CBL: variants seen among roughly 807,000 people sequenced by gnomAD.
CBL encodes E3 ubiquitin-protein ligase CBL.
Under a neutral mutation model 96.9 loss-of-function variants are expected in CBL, and 45 were observed. The ratio of observed to expected loss-of-function variants is 0.46; its 90% CI spans 0.37 to 0.60. CBL has a LOEUF of 0.60. CBL is among the 20% of genes least tolerant of loss of function. The probability of loss-of-function intolerance (pLI) is 0.00; values close to 1 mark genes in which losing one functional copy is unlikely to be tolerated. For missense variants in CBL, 1,024 were observed against 1,143.5 expected, an observed-to-expected ratio of 0.90 and a Z score of 1.51; for synonymous variants, 420 against 426.8, an observed-to-expected ratio of 0.98 and a Z score of 0.20.
intron 2 of CBL, among the ~76,000 whole-genome samples, chr11:119,235,165 G>A (rs976859296): frequency 2.6e-5 from 4 of 151,884 alleles, no homozygotes; most frequent in African/African-American, 9.7e-5. Context: ...CCAGGTTGGA[G>A]TGCAAAGGAG....
rs957942519 is a variant in CBL, at chr11:119,305,225, CCT to C, written c.*5445_*5446del. On this transcript the variant is annotated 3_prime_UTR_variant, in exon 16 of 16. Transcript: ENST00000264033. ...ATTCTGGTCATTGTCTTCTTTATTT[CCT>C]GTTTTTCTTCCCTTTGTCAGTCTTC... The C allele has an allele frequency of 1.3e-5, 3 of 231,076 alleles. No homozygotes were observed. The highest frequency in any genetic ancestry group is 6.6e-5 in the African/African-American group (3 of 45,202). 14.3% of individuals were successfully genotyped at this position (231,076 alleles called of 1,614,324 possible).
chr11:119,261,860 T>C (rs1487206188), intron 2 of CBL, among the ~76,000 whole-genome samples: 1 of 152,216 alleles, frequency 6.6e-6, no homozygotes, highest in East Asian at 1.9e-4. Flanking sequence ...CCATTTTTGT[T>C]TTTTTCTAAC....
At chr11:119,209,102 C>A (rs923646607) in intron 1 of CBL, among the ~76,000 whole-genome samples, 1 of 152,144 alleles carries the variant, frequency 6.6e-6, no homozygotes, top group South Asian at 2.1e-4. Flanking sequence ...TAGTCTGATA[C>A]GTTTATACTG....
Position 119,298,453 on chromosome 11 carries a change from G to T in CBL, c.2347G>T (p.Ala783Ser), listed in dbSNP as rs1950078376. The T allele has an allele frequency of 2.5e-6, 4 of 1,614,054 alleles. No individual in the cohort carries two copies. In the South Asian group the frequency reaches 4.4e-5, roughly 18 times the overall value. The change falls in exon 15 of 16, where the codon GCC becomes TCC. Residue 783 changes from alanine (A) to serine (S), a missense_variant. Coordinates refer to ENST00000264033, the MANE Select transcript of CBL (RefSeq NM_005188.4). ...TGATGTCCCAAAGCCACCTGTGCCG[G>T]CCGTGCTGGCCCGCCGAACTCTCTC... is the stretch of plus-strand genomic sequence containing the variant. ...GYDVPKPPVP[A>S]VLARRTLSDI...
chr11:119,225,814 G>A (rs763094631), intron 1 of CBL, among the ~76,000 whole-genome samples: 16 of 129,156 alleles, frequency 1.2e-4, no homozygotes, highest in African/African-American at 2.4e-4. Flanking sequence ...TGCAACCTCC[G>A]CCTCCCGGGT....
chr11:119,298,995 C>T (rs1950081836), intron 15 of CBL, among the ~76,000 whole-genome samples: 1 of 152,154 alleles, frequency 6.6e-6, no homozygotes, highest in Admixed American at 6.5e-5. Flanking sequence ...AGGGCAGCAG[C>T]CAGAGTTGCT....
At chr11:119,218,894 A>G (rs1162360944) in intron 1 of CBL, among the ~76,000 whole-genome samples, 2 of 152,238 alleles carry the variant, frequency 1.3e-5, no homozygotes, top group African/African-American at 2.4e-5. Context: ...ACTAAGATGT[A>G]CAGTAAGAAT....
intron 1 of CBL, among the ~76,000 whole-genome samples, chr11:119,230,389 C>G (rs566245560): frequency 1.2e-4 from 18 of 152,122 alleles, no homozygotes; most frequent in Non-Finnish European, 1.8e-4. Flanking sequence ...ATCCGCCCGC[C>G]TCAGCCTCCC....
chr11:119,233,480 C>T (rs553992530), intron 2 of CBL, among the ~76,000 whole-genome samples: 8 of 152,142 alleles, frequency 5.3e-5, no homozygotes, highest in South Asian at 2.1e-4. Context: ...GTGATCTGCC[C>T]GCTTTGGCCT....
At chr11:119,283,150 A>G (rs893490216) in intron 9 of CBL, among the ~76,000 whole-genome samples, 1 of 152,208 alleles carries the variant, frequency 6.6e-6, no homozygotes, top group East Asian at 1.9e-4. Flanking sequence ...ATATACAGGT[A>G]TGAGAATCTT....
chr11:119,221,440 C>T (rs925090596), intron 1 of CBL, among the ~76,000 whole-genome samples: 6 of 151,814 alleles, frequency 4.0e-5, no homozygotes, highest in Non-Finnish European at 8.8e-5. Flanking sequence ...TCTGATTTGT[C>T]TTTGAAAAAC....
intron 1 of CBL, among the ~76,000 whole-genome samples, chr11:119,209,264 A>G (rs192329974): frequency 9.2e-5 from 14 of 152,314 alleles, no homozygotes; most frequent in South Asian, 6.2e-4. Flanking sequence ...TTCATGTGCT[A>G]TAAGTGGTGA....
chr11:119,295,960 G>A (rs954499291), intron 12 of CBL, among the ~76,000 whole-genome samples: 7 of 152,080 alleles, frequency 4.6e-5, no homozygotes, highest in Non-Finnish European at 8.8e-5. Context: ...ATCTTAAGTG[G>A]ATATTTCCCA....
intron 2 of CBL, among the ~76,000 whole-genome samples, chr11:119,232,964 C>T (rs929316516): frequency 2.0e-5 from 3 of 152,156 alleles, no homozygotes; most frequent in South Asian, 4.2e-4. Context: ...ACCTGAAGAT[C>T]ATGAAAGTTT....
intron 12 of CBL, among the ~76,000 whole-genome samples, chr11:119,294,818 A>G (rs187453663): frequency 2.6e-5 from 4 of 151,814 alleles, no homozygotes; most frequent in South Asian, 2.1e-4. Context: ...AGGAAAAGGA[A>G]ATATAGGTAA....
intron 2 of CBL, among the ~76,000 whole-genome samples, chr11:119,245,171 C>T (rs1592383579): frequency 1.7e-5 from 2 of 114,906 alleles, no homozygotes; most frequent in African/African-American, 3.1e-5. Context: ...CTTGCCCGAC[C>T]AGTTTTTTTT....
intron 11 of CBL, 26 bp downstream of exon 11, chr11:119,285,592 A>G (rs891359039): frequency 1.2e-6 from 2 of 1,611,126 alleles, no homozygotes; most frequent in South Asian, 1.1e-5. Context: ...GAAACTATCT[A>G]ACCTGTTAAG....
chr11:119,249,648 C>T (rs1949656434), intron 2 of CBL, among the ~76,000 whole-genome samples: 1 of 142,270 alleles, frequency 7.0e-6, no homozygotes, highest in Admixed American at 7.0e-5. Context: ...TATTTTGGTA[C>T]AGTTTCTTTC....
intron 11 of CBL, among the ~76,000 whole-genome samples, chr11:119,285,864 C>T (rs1949981301): frequency 6.6e-6 from 1 of 151,856 alleles, no homozygotes; most frequent in African/African-American, 2.4e-5. Context: ...CCACTGCACT[C>T]CAGCCTAGGC....
Sources: gnomAD v4.1 joint callset for allele counts (sites outside exome capture counted in the v4.1 genomes callset) on GRCh38, gnomAD v4.1.1 for gene constraint, MANE v1.5 for transcripts, NCBI Gene and HGNC (gene_info 2026-07-23, HGNC 2026-07-21) for gene names.